The following AKAP13 variants were observed in gnomAD, a reference collection of about 807,000 sequenced individuals.
The protein encoded by AKAP13 is A-kinase anchoring protein 13.
AKAP13 carries 80 observed loss-of-function variants against 264.5 expected under a neutral mutation model. The observed-to-expected ratio is 0.30, with a 90% CI of 0.25 to 0.36. AKAP13 has a LOEUF of 0.36. Among genes scored for constraint, AKAP13 ranks in the 10% least tolerant of loss-of-function variants. The probability of loss-of-function intolerance (pLI) is 1.00; values close to 1 mark genes in which losing one functional copy is unlikely to be tolerated. For synonymous variants in AKAP13, 1,380 were observed against 1,250.2 expected (o/e 1.10, Z -2.19); for missense variants, 3,712 against 3,435.2 (o/e 1.08, Z -2.01).
intron 3 of AKAP13, among the ~76,000 whole-genome samples, chr15:85,523,956 T>TA (rs1267820158): frequency 6.6e-6 from 1 of 152,208 alleles, no homozygotes; most frequent in Non-Finnish European, 1.5e-5. Context: ...AGGGCAGTGT[T>TA]AGATTAGTCA....
In AKAP13 at chr15:85,440,875, A is replaced by T. The variant is rs78071883; in HGVS notation, c.-11-44835A>T. Among the ~76,000 whole-genome samples, 314 of 152,300 alleles carry T rather than the reference A, an allele frequency of 2.1e-3. 8 individuals carry two copies. In the East Asian group the frequency reaches 0.043, roughly 21 times the overall value. On this transcript the variant is annotated intron_variant, in intron 1 of 36. Coordinates refer to ENST00000394518, the MANE Select transcript of AKAP13 (RefSeq NM_007200.5). ...ATGGCTTAGTGTGGTGGAAATTTTTAAAAAAATTCTGCAGTGGCTTAAATA... is the reference window on the plus strand; with the variant it reads ...ATGGCTTAGTGTGGTGGAAATTTTTTAAAAAATTCTGCAGTGGCTTAAATA...
At chr15:85,518,231 T>G (rs1465546746) in intron 2 of AKAP13, among the ~76,000 whole-genome samples, 1 of 152,164 alleles carries the variant, frequency 6.6e-6, no homozygotes, top group East Asian at 1.9e-4. Flanking sequence ...CCTTGTTATT[T>G]TTTCATCACC....
intron 25 of AKAP13, 75 bp from the exon 26 acceptor site, chr15:85,722,997 A>C: frequency 6.5e-7 from 1 of 1,548,846 alleles, no homozygotes. Context: ...ATATGGAGTG[A>C]GAAGTCAGGA....
intron 4 of AKAP13, chr15:85,535,138 C>G (rs903560551): frequency 1.3e-5 from 2 of 152,264 alleles, no homozygotes; most frequent in Admixed American, 6.5e-5. Flanking sequence ...ACAAGTCACT[C>G]TCCCCACAGG....
chr15:85,741,822 A>C (rs1597245521), intron 35 of AKAP13, among the ~76,000 whole-genome samples: 1 of 151,992 alleles, frequency 6.6e-6, no homozygotes, highest in Non-Finnish European at 1.5e-5. Context: ...AGGCAGGTGG[A>C]TCTCTTGAGG....
chr15:85,413,849 A>G (rs2072101798), intron 1 of AKAP13, among the ~76,000 whole-genome samples: 2 of 152,200 alleles, frequency 1.3e-5, no homozygotes, highest in African/African-American at 4.8e-5. Flanking sequence ...ATAGACAGCT[A>G]CTTTAAAATT....
chr15:85,740,333 G>A, intron 34 of AKAP13, 61 bp downstream of exon 34: 1 of 1,588,632 alleles, frequency 6.3e-7, no homozygotes, highest in Non-Finnish European at 8.6e-7. Context: ...GCTTGGGGCT[G>A]TTGTTGACTT....
intron 11 of AKAP13, among the ~76,000 whole-genome samples, chr15:85,656,172 A>G (rs1237580977): frequency 6.6e-6 from 1 of 152,264 alleles, no homozygotes; most frequent in Non-Finnish European, 1.5e-5. Context: ...TTGAATTAAG[A>G]AACAAACATG....
chr15:85,738,151 A>T (rs1436604791), intron 33 of AKAP13, among the ~76,000 whole-genome samples: 1 of 151,834 alleles, frequency 6.6e-6, no homozygotes, highest in East Asian at 1.9e-4. Flanking sequence ...TAATCCCAAC[A>T]CTTTGGGAGG....
chr15:85,521,177 A>G (rs1448183706), intron 2 of AKAP13, among the ~76,000 whole-genome samples: 2 of 152,158 alleles, frequency 1.3e-5, no homozygotes, highest in Non-Finnish European at 2.9e-5. Context: ...TTACTTGTCT[A>G]ATGACCTCCA....
intron 4 of AKAP13, among the ~76,000 whole-genome samples, chr15:85,541,751 A>G (rs1483274482): frequency 1.3e-5 from 2 of 152,256 alleles, no homozygotes. Flanking sequence ...AAAAGTTGAC[A>G]TAAACTGCCT....
chr15:85,582,894 G>A (rs1388912699), intron 7 of AKAP13: 1 of 985,468 alleles, frequency 1.0e-6, no homozygotes, highest in South Asian at 4.7e-5. Context: ...TGAAGCAGCT[G>A]CACTGAGCAG....
At chr15:85,477,812 C>T (rs887301580) in intron 1 of AKAP13, among the ~76,000 whole-genome samples, 2 of 152,108 alleles carry the variant, frequency 1.3e-5, no homozygotes, top group African/African-American at 4.8e-5. Flanking sequence ...TTCTCTCTCC[C>T]TGCCTCTGTT....
chr15:85,728,041 C>T (rs781487419), intron 29 of AKAP13, among the ~76,000 whole-genome samples: 5 of 152,130 alleles, frequency 3.3e-5, no homozygotes, highest in Non-Finnish European at 2.9e-5. Flanking sequence ...ATGAGACAGT[C>T]GAGGCCCACA....
intron 26 of AKAP13, among the ~76,000 whole-genome samples, chr15:85,725,647 T>C (rs942633278): frequency 6.6e-6 from 1 of 152,130 alleles, no homozygotes; most frequent in Non-Finnish European, 1.5e-5. Context: ...TCCCAGGGAA[T>C]TGTGGACTTC....
At chr15:85,669,549 T>TTAAA (rs1253001648) in intron 13 of AKAP13, among the ~76,000 whole-genome samples, 173 bp from the exon 14 acceptor site, 2 of 152,232 alleles carry the variant, frequency 1.3e-5, no homozygotes, top group African/African-American at 4.8e-5. Context: ...TGAGCAGCTG[T>TTAAA]TAAGTAGCAG....
intron 8 of AKAP13, among the ~76,000 whole-genome samples, chr15:85,593,831 T>C (rs1393804009): frequency 6.6e-6 from 1 of 152,172 alleles, no homozygotes; most frequent in Non-Finnish European, 1.5e-5. Flanking sequence ...CAGCCAATGA[T>C]AATAGCTAAG....
At chr15:85,478,873 C>T (rs530070357) in intron 1 of AKAP13, among the ~76,000 whole-genome samples, 1 of 152,052 alleles carries the variant, frequency 6.6e-6, no homozygotes, top group South Asian at 2.1e-4. Context: ...GTCATGATTC[C>T]AGAGCAAAGG....
chr15:85,450,886 C>T (rs2074062624), intron 1 of AKAP13, among the ~76,000 whole-genome samples: 1 of 152,136 alleles, frequency 6.6e-6, no homozygotes, highest in Non-Finnish European at 1.5e-5. Flanking sequence ...TGGTTCAACG[C>T]TAAGTTTAGG....
Sources: allele counts gnomAD v4.1 joint callset (sites outside exome capture counted in the v4.1 genomes callset), GRCh38; gene constraint gnomAD v4.1.1; transcripts MANE v1.5; gene names NCBI Gene and HGNC (gene_info 2026-07-23, HGNC 2026-07-21).